The following CNTNAP2 variants were observed in gnomAD, a reference collection of about 807,000 sequenced individuals.
The protein encoded by CNTNAP2 is contactin associated protein 2.
In CNTNAP2, 98 loss-of-function variants were observed where a neutral mutation model predicts 155.2. The observed-to-expected ratio is 0.63, with a 90% CI of 0.54 to 0.75. The LOEUF (loss-of-function observed/expected upper bound fraction) is 0.75, where lower values mean the gene tolerates loss of function less well. Ranked by LOEUF, CNTNAP2 falls within the 30% of genes least tolerant of loss-of-function variation. The pLI, the probability that CNTNAP2 is intolerant of heterozygous loss-of-function variation, is 0.00. For missense variants in CNTNAP2, 1,727 were observed against 1,688.1 expected, an observed-to-expected ratio of 1.02 and a Z score of -0.40; for synonymous variants, 651 against 631.2, an observed-to-expected ratio of 1.03 and a Z score of -0.47.
intron 2 of CNTNAP2, among the ~76,000 whole-genome samples, chr7:146,779,935 G>A (rs1199997794): frequency 6.6e-6 from 1 of 152,098 alleles, no homozygotes; most frequent in Non-Finnish European, 1.5e-5. Flanking sequence ...ATCTCTTGAA[G>A]TTTCTACGTG....
At chr7:148,279,757 A>G (rs943481093) in intron 21 of CNTNAP2, among the ~76,000 whole-genome samples, 1 of 152,240 alleles carries the variant, frequency 6.6e-6, no homozygotes, top group Non-Finnish European at 1.5e-5. Flanking sequence ...TCTCCATTAT[A>G]AAGTCATTCA....
intron 2 of CNTNAP2, among the ~76,000 whole-genome samples, chr7:146,812,448 A>ATT (rs570160369): frequency 2.1e-5 from 3 of 145,320 alleles, no homozygotes; most frequent in African/African-American, 7.5e-5. Context: ...TATAAAAAAT[A>ATT]TATATATATA....
chr7:148,392,549 C>CTAACG, intron 22 of CNTNAP2, among the ~76,000 whole-genome samples: 1 of 152,274 alleles, frequency 6.6e-6, no homozygotes, highest in African/African-American at 2.4e-5. Context: ...GTTCTCTGCC[C>CTAACG]TAACGCTAAC....
chr7:146,910,695 A>G (rs905719973), intron 3 of CNTNAP2, among the ~76,000 whole-genome samples: 1 of 150,388 alleles, frequency 6.6e-6, no homozygotes, highest in African/African-American at 2.5e-5. Context: ...CTAAAACCAT[A>G]AAAACCCTAG....
chr7:148,322,027 C>T (rs1563041131), intron 21 of CNTNAP2, among the ~76,000 whole-genome samples: 1 of 151,796 alleles, frequency 6.6e-6, no homozygotes, highest in East Asian at 1.9e-4. Context: ...CCTCAGCACC[C>T]GTCCCCCTCC....
At chr7:147,945,074 C>T (rs2708276) in intron 14 of CNTNAP2, among the ~76,000 whole-genome samples, 38,085 of 152,054 alleles carry the variant, frequency 0.25, 5,166 homozygotes, top group Middle Eastern at 0.32. Flanking sequence ...CTTCAATTGC[C>T]TGTATAGAAT....
rs116661453 is a variant in CNTNAP2, at chr7:146,849,771, T to C, written c.402+9867T>C. ...TTTATCAGTATTATTACGAATGCTA[T>C]CATTAATGTTTCTCAAATACTATAT... On this transcript the variant is annotated intron_variant, in intron 3 of 23. Coordinates refer to ENST00000361727, the MANE Select transcript of CNTNAP2 (RefSeq NM_014141.6). Among the ~76,000 whole-genome samples the C allele has an allele frequency of 5.9e-3, 905 of 152,328 alleles. 10 individuals carry two copies. Among genetic ancestry groups the C allele is most frequent in the African/African-American group, 0.021 (878 of 41,582 alleles).
chr7:148,366,753 C>T (rs1260152909), intron 21 of CNTNAP2, among the ~76,000 whole-genome samples: 1 of 152,074 alleles, frequency 6.6e-6, no homozygotes, highest in South Asian at 2.1e-4. Context: ...GATACTTTTG[C>T]AGAAAGGCAA....
At chr7:146,940,631 G>T (rs1172097452) in intron 3 of CNTNAP2, among the ~76,000 whole-genome samples, 1 of 151,854 alleles carries the variant, frequency 6.6e-6, no homozygotes, top group Non-Finnish European at 1.5e-5. Context: ...GCCAAACTGG[G>T]TTGAAATTGA....
chr7:148,283,596 T>C (rs1395967960), intron 21 of CNTNAP2, among the ~76,000 whole-genome samples: 2 of 152,200 alleles, frequency 1.3e-5, no homozygotes, highest in African/African-American at 2.4e-5. Context: ...TGCCTTCTAG[T>C]TTCAGCTCTT....
intron 3 of CNTNAP2, among the ~76,000 whole-genome samples, chr7:146,873,630 G>A (rs1462190307): frequency 6.6e-6 from 1 of 152,042 alleles, no homozygotes; most frequent in Non-Finnish European, 1.5e-5. Context: ...AATGAGGAAT[G>A]GGGTGTATGA....
At chr7:148,355,580 C>T (rs1798499944) in intron 21 of CNTNAP2, among the ~76,000 whole-genome samples, 1 of 152,132 alleles carries the variant, frequency 6.6e-6, no homozygotes, top group African/African-American at 2.4e-5. Context: ...TATTCAAGGA[C>T]TCTCTGAACC....
intron 13 of CNTNAP2, among the ~76,000 whole-genome samples, chr7:147,772,446 C>CTATATA (rs58027241): frequency 0.042 from 2,690 of 63,338 alleles, 80 homozygotes; most frequent in Non-Finnish European, 0.051. Flanking sequence ...CTCTCTCTCG[C>CTATATA]TATATATATA....
chr7:146,244,971 G>A (rs966777772), intron 1 of CNTNAP2, among the ~76,000 whole-genome samples: 3 of 152,048 alleles, frequency 2.0e-5, no homozygotes, highest in African/African-American at 7.2e-5. Context: ...AATCCCTGAG[G>A]AGTAGTAGAA....
intron 14 of CNTNAP2, among the ~76,000 whole-genome samples, chr7:147,956,091 G>A (rs747621185): frequency 6.6e-6 from 1 of 152,080 alleles, no homozygotes; most frequent in Non-Finnish European, 1.5e-5. Flanking sequence ...ATATATACCA[G>A]TTCTTTCAAC....
intron 16 of CNTNAP2, among the ~76,000 whole-genome samples, chr7:148,133,184 C>G: frequency 6.6e-6 from 1 of 151,990 alleles, no homozygotes; most frequent in Non-Finnish European, 1.5e-5. Context: ...ATGCTATGGT[C>G]GGTCACGGTG....
intron 3 of CNTNAP2, among the ~76,000 whole-genome samples, chr7:146,903,951 A>G (rs1796061391): frequency 1.3e-5 from 2 of 152,246 alleles, no homozygotes; most frequent in African/African-American, 4.8e-5. Flanking sequence ...TATGTAAATC[A>G]AAACATCACA....
At chr7:147,215,884 T>G (rs1270174819) in intron 8 of CNTNAP2, among the ~76,000 whole-genome samples, 1 of 152,154 alleles carries the variant, frequency 6.6e-6, no homozygotes, top group Non-Finnish European at 1.5e-5. Flanking sequence ...TTTGGCCATT[T>G]TAGGTATGTA....
intron 13 of CNTNAP2, among the ~76,000 whole-genome samples, chr7:147,892,009 C>G (rs1585013604): frequency 6.6e-6 from 1 of 151,746 alleles, no homozygotes; most frequent in Non-Finnish European, 1.5e-5. Context: ...TAGAAAAAAT[C>G]TCTGAACGCT....
Sources: allele counts gnomAD v4.1 joint callset (sites outside exome capture counted in the v4.1 genomes callset), GRCh38; gene constraint gnomAD v4.1.1; transcripts MANE v1.5; gene names NCBI Gene and HGNC (gene_info 2026-07-23, HGNC 2026-07-21).